Variants in CDC42SE2 observed in about 807,000 individuals in gnomAD.
CDC42SE2 encodes the protein CDC42 small effector protein 2.
CDC42SE2 carries 3 observed loss-of-function variants against 11.5 expected under a neutral mutation model. The observed-to-expected ratio is 0.26, with a 90% confidence interval of 0.12 to 0.67. The LOEUF is 0.67. Among genes scored for constraint, CDC42SE2 ranks in the 30% least tolerant of loss-of-function variants. The pLI, the probability that CDC42SE2 is intolerant of heterozygous loss-of-function variation, is 0.80. For missense variants in CDC42SE2, 82 were observed against 106.8 expected, an observed-to-expected ratio of 0.77 and a Z score of 1.02; for synonymous variants, 33 against 34.8, an observed-to-expected ratio of 0.95 and a Z score of 0.18.
At chr5:131,287,489 G>A (rs1757365336) in intron 1 of CDC42SE2, among the ~76,000 whole-genome samples, 1 of 149,988 alleles carries the variant, frequency 6.7e-6, no homozygotes, top group South Asian at 2.1e-4. Flanking sequence ...TTTTGAGACA[G>A]GATCTCACTC....
chr5:131,239,651 T>G, the CDC42SE2 span, among the ~76,000 whole-genome samples: 1 of 152,140 alleles, frequency 6.6e-6, no homozygotes, highest in Non-Finnish European at 1.5e-5. Flanking sequence ...TAGAGCAGTT[T>G]TGTGTTTGCT....
At chr5:131,270,876 C>T (rs1239296052) in intron 1 of CDC42SE2, among the ~76,000 whole-genome samples, 39 of 151,974 alleles carry the variant, frequency 2.6e-4, no homozygotes, top group Admixed American at 2.4e-3. Context: ...TTTACTTTGC[C>T]AGGTCTTCTT....
At chr5:131,390,534 G>C (rs1364174347) in intron 4 of CDC42SE2, among the ~76,000 whole-genome samples, 2 of 152,048 alleles carry the variant, frequency 1.3e-5, no homozygotes, top group African/African-American at 4.8e-5. Flanking sequence ...AATTAGCTGA[G>C]TGTGGTGATG....
intron 3 of CDC42SE2, among the ~76,000 whole-genome samples, chr5:131,368,681 G>GTATAC (rs1329521490): frequency 6.6e-6 from 1 of 152,108 alleles, no homozygotes. Flanking sequence ...GTAGACAGTA[G>GTATAC]TATAATGAGC....
At chr5:131,224,781 G>A in the CDC42SE2 span, among the ~76,000 whole-genome samples, 27 of 151,852 alleles carry the variant, frequency 1.8e-4, no homozygotes, top group Non-Finnish European at 2.9e-4. Context: ...AGAGTGAAGC[G>A]TGCTGAATGG....
At chr5:131,278,862 GCAACCTCTGCCTCC>G (rs1223275798) in intron 1 of CDC42SE2, among the ~76,000 whole-genome samples, 1 of 133,470 alleles carries the variant, frequency 7.5e-6, no homozygotes. Flanking sequence ...TTGGCTCACT[GCAACCTCTGCCTCC>G]TAGGTTCAAG....
At chr5:131,274,243 A>G (rs1158526757) in intron 1 of CDC42SE2, among the ~76,000 whole-genome samples, 1 of 151,644 alleles carries the variant, frequency 6.6e-6, no homozygotes, top group Non-Finnish European at 1.5e-5. Context: ...TCACCCCTCC[A>G]CCCCAGTAAT....
chr5:131,352,684 A>G (rs1462798218), intron 2 of CDC42SE2, among the ~76,000 whole-genome samples: 6 of 152,164 alleles, frequency 3.9e-5, no homozygotes, highest in Non-Finnish European at 5.9e-5. Context: ...TTTTTTCAAA[A>G]CGGTGTTGTA....
upstream of CDC42SE2, among the ~76,000 whole-genome samples, chr5:131,244,924 GA>G (rs1436924404): frequency 2.6e-5 from 4 of 152,004 alleles, no homozygotes. Flanking sequence ...TTACTGGGGG[GA>G]ATCATGATAA....
At chr5:131,286,465 G>A (rs1266589835) in intron 1 of CDC42SE2, among the ~76,000 whole-genome samples, 6 of 149,702 alleles carry the variant, frequency 4.0e-5, no homozygotes, top group Non-Finnish European at 8.9e-5. Context: ...AGTGGTGAGA[G>A]GGAATGAATG....
At chr5:131,346,416 G>A (rs868476298) in intron 2 of CDC42SE2, among the ~76,000 whole-genome samples, 17 of 152,104 alleles carry the variant, frequency 1.1e-4, no homozygotes, top group East Asian at 9.6e-4. Flanking sequence ...AGGTCATTGC[G>A]TAATGGTAAA....
chr5:131,212,525 A>T, the CDC42SE2 span, among the ~76,000 whole-genome samples: 3 of 152,102 alleles, frequency 2.0e-5, no homozygotes, highest in African/African-American at 7.2e-5. Flanking sequence ...TGGCACTTAC[A>T]GGTCCTAGCT....
At chr5:131,357,785 T>C (rs559484879) in intron 2 of CDC42SE2, among the ~76,000 whole-genome samples, 115 of 152,368 alleles carry the variant, frequency 7.5e-4, no homozygotes, top group South Asian at 6.4e-3. Flanking sequence ...TCTACACTTG[T>C]TGACTCTGCT....
At chr5:131,307,425 C>T (rs565682032) in intron 1 of CDC42SE2, among the ~76,000 whole-genome samples, 388 of 152,042 alleles carry the variant, frequency 2.6e-3, no homozygotes, top group Non-Finnish European at 4.3e-3. Flanking sequence ...CATAGTATTC[C>T]GTGGTGTATA....
chr5:131,317,012 A>G (rs937943451), intron 2 of CDC42SE2, among the ~76,000 whole-genome samples: 1 of 152,190 alleles, frequency 6.6e-6, no homozygotes, highest in Admixed American at 6.5e-5. Context: ...ATCTGACTCT[A>G]ATACTTCTTA....
chr5:131,272,197 T>C (rs1200976458), intron 1 of CDC42SE2, among the ~76,000 whole-genome samples: 2 of 151,934 alleles, frequency 1.3e-5, no homozygotes, highest in Non-Finnish European at 1.5e-5. Flanking sequence ...TTTTTTTTAA[T>C]AGAGACAGGG....
chr5:131,335,112 A>G (rs1480526530), intron 2 of CDC42SE2, among the ~76,000 whole-genome samples: 1 of 152,136 alleles, frequency 6.6e-6, no homozygotes, highest in East Asian at 1.9e-4. Flanking sequence ...TTAGTGCTAT[A>G]AATTTCCCTC....
chr5:131,304,377 G>A (rs890702033), intron 1 of CDC42SE2, among the ~76,000 whole-genome samples: 1 of 152,078 alleles, frequency 6.6e-6, no homozygotes, highest in Admixed American at 6.6e-5. Flanking sequence ...GGATAGAGGT[G>A]GCATTTAATA....
chr5:131,291,885 T>G (rs1222420363), intron 1 of CDC42SE2, among the ~76,000 whole-genome samples: 7 of 152,092 alleles, frequency 4.6e-5, no homozygotes, highest in Non-Finnish European at 1.0e-4. Context: ...TGGGGAGAAA[T>G]TAGTTAGGAA....
Sources: allele counts gnomAD v4.1 joint callset (sites outside exome capture counted in the v4.1 genomes callset), GRCh38; gene constraint gnomAD v4.1.1; transcripts MANE v1.5; gene names NCBI Gene and HGNC (gene_info 2026-07-23, HGNC 2026-07-21).